The following TRIO variants were observed in gnomAD, a reference collection of about 807,000 sequenced individuals.
The protein encoded by TRIO is triple functional domain protein.
Under a neutral mutation model 351.9 loss-of-function variants are expected in TRIO, and 58 were observed. The observed-to-expected ratio is 0.16, with a 90% CI of 0.13 to 0.21. The LOEUF (loss-of-function observed/expected upper bound fraction) is 0.21. Among genes scored for constraint, TRIO ranks in the 10% least tolerant of loss-of-function variants. The probability of loss-of-function intolerance (pLI) is 1.00; values close to 1 mark genes in which losing one functional copy is unlikely to be tolerated. For missense variants in TRIO, 3,201 were observed against 4,027.8 expected (o/e 0.79, Z 5.56); for synonymous variants, 1,758 against 1,595.7 (o/e 1.10, Z -2.42).
At chr5:14,379,249 G>A (rs1420204490) in intron 20 of TRIO, among the ~76,000 whole-genome samples, 2 of 152,188 alleles carry the variant, frequency 1.3e-5, no homozygotes, top group African/African-American at 4.8e-5. Context: ...CCCATTTTCT[G>A]AATCCAGCTT....
At chr5:14,477,837 A>G (rs1222310096) in intron 41 of TRIO, among the ~76,000 whole-genome samples, 1 of 152,202 alleles carries the variant, frequency 6.6e-6, no homozygotes, top group East Asian at 1.9e-4. Flanking sequence ...CAGTATCCAA[A>G]AATCCAGTTT....
rs888780854 is a variant in TRIO, at chr5:14,377,418, G to A, written c.3332-594G>A. ...CTGCCACCATGCCCTGCTAATTTTT[G>A]TATTTTTAGTAGAGACAGAGTTTCG... On this transcript the variant is annotated intron_variant, in intron 19 of 56. Transcript: ENST00000344204. Among the ~76,000 whole-genome samples the A allele has an allele frequency of 2.0e-5, 3 of 151,918 alleles. No homozygotes were observed. The East Asian group carries it at 5.8e-4, about 29-fold the overall frequency.
At chr5:14,358,730 G>C (rs540112745) in intron 12 of TRIO, among the ~76,000 whole-genome samples, 2 of 152,130 alleles carry the variant, frequency 1.3e-5, no homozygotes, top group African/African-American at 4.8e-5. Context: ...ACCTCCCAAC[G>C]TCCAGATTCA....
chr5:14,288,935 A>T (rs1296654611), intron 4 of TRIO, among the ~76,000 whole-genome samples: 1 of 152,082 alleles, frequency 6.6e-6, no homozygotes, highest in African/African-American at 2.4e-5. Flanking sequence ...CATCATGATA[A>T]GGTGAGGTTA....
At chr5:14,381,803 T>A (rs968730988) in intron 21 of TRIO, among the ~76,000 whole-genome samples, 4 of 152,226 alleles carry the variant, frequency 2.6e-5, no homozygotes, top group Non-Finnish European at 5.9e-5. Context: ...GGCATTTTCA[T>A]TTTTCTCCTG....
chr5:14,388,008 A>G (rs1746697948), intron 23 of TRIO, 161 bp downstream of exon 23: 4 of 641,428 alleles, frequency 6.2e-6, no homozygotes, highest in Non-Finnish European at 1.1e-5. Context: ...CGCTGCGTTC[A>G]CTGTCCTCTT....
At chr5:14,178,309 A>G (rs987984532) in intron 1 of TRIO, among the ~76,000 whole-genome samples, 1 of 152,238 alleles carries the variant, frequency 6.6e-6, no homozygotes, top group African/African-American at 2.4e-5. Context: ...AAAATGAATA[A>G]TATTCAAATT....
chr5:14,182,862 ACC>A (rs33945464), intron 1 of TRIO, among the ~76,000 whole-genome samples: 2 of 61,650 alleles, frequency 3.2e-5, no homozygotes, highest in Non-Finnish European at 8.1e-5. Flanking sequence ...TACAGTGGAG[ACC>A]CCCCCCCCTC....
chr5:14,162,333 G>C (rs1788514229), intron 1 of TRIO, among the ~76,000 whole-genome samples: 2 of 152,178 alleles, frequency 1.3e-5, no homozygotes. Context: ...ATTGTGTAGT[G>C]TTGAAGGAGA....
intron 20 of TRIO, among the ~76,000 whole-genome samples, 154 bp downstream of exon 20, chr5:14,378,281 AC>A (rs2152351338): frequency 6.6e-6 from 1 of 152,256 alleles, no homozygotes; most frequent in South Asian, 2.1e-4. Context: ...TAAAAAGAAA[AC>A]CCCACAGCCT....
chr5:14,460,339 G>C (rs771512172), intron 34 of TRIO, among the ~76,000 whole-genome samples: 1 of 152,156 alleles, frequency 6.6e-6, no homozygotes, highest in Non-Finnish European at 1.5e-5. Context: ...TGGCCTGGCC[G>C]TGAACAGGAA....
intron 34 of TRIO, among the ~76,000 whole-genome samples, chr5:14,451,461 C>T (rs1351544218): frequency 1.3e-5 from 2 of 152,188 alleles, no homozygotes; most frequent in South Asian, 4.1e-4. Flanking sequence ...CAGTCATAAG[C>T]TAAGAATTTG....
Position 14,508,448 on chromosome 5 carries a change from T to C in TRIO, c.*26T>C, listed in dbSNP as rs1757870521. 6.4e-7 allele frequency: 1 copy of C among 1,555,028 alleles called. No homozygotes were observed. Among genetic ancestry groups the C allele is most frequent in the South Asian group, 1.2e-5 (1 of 81,484 alleles). On this transcript the variant is annotated 3_prime_UTR_variant, in exon 57 of 57. Transcript: ENST00000344204. ...CCTATCCAGAAGTTCTTTCTCATTC[T>C]CTTTCACCTGCCAATCAGCTGTTAA...
At chr5:14,162,990 GTTTGTTTT>G (rs1322304263) in intron 1 of TRIO, among the ~76,000 whole-genome samples, 1 of 151,866 alleles carries the variant, frequency 6.6e-6, no homozygotes, top group African/African-American at 2.4e-5. Context: ...TTTTTTGTTT[GTTTGTTTT>G]TTTGTTTTTT....
chr5:14,198,550 A>G (rs1461903303), intron 1 of TRIO, among the ~76,000 whole-genome samples: 4 of 152,214 alleles, frequency 2.6e-5, no homozygotes, highest in Non-Finnish European at 5.9e-5. Flanking sequence ...ATGGAACTGC[A>G]ATGATGGGAA....
chr5:14,271,922 C>G (rs987142929), intron 2 of TRIO, among the ~76,000 whole-genome samples: 6 of 152,150 alleles, frequency 3.9e-5, no homozygotes, highest in Middle Eastern at 3.2e-3. Context: ...AGTAATATTT[C>G]TTGGCCCCTG....
At chr5:14,496,211 C>G (rs1363328096) in intron 49 of TRIO, among the ~76,000 whole-genome samples, 1 of 152,142 alleles carries the variant, frequency 6.6e-6, no homozygotes, top group Non-Finnish European at 1.5e-5. Context: ...TTTATATGCA[C>G]TAAGAAACCA....
intron 5 of TRIO, among the ~76,000 whole-genome samples, chr5:14,292,223 A>C (rs773766): frequency 0.055 from 8,427 of 152,286 alleles, 254 homozygotes; most frequent in African/African-American, 0.075. Context: ...CAGTGTTTTT[A>C]TTACTAAAGC....
chr5:14,413,100 C>G (rs538012805), intron 33 of TRIO, among the ~76,000 whole-genome samples: 1 of 152,322 alleles, frequency 6.6e-6, no homozygotes, highest in African/African-American at 2.4e-5. Context: ...GCTGCTGTTG[C>G]AGGTTACTGT....
Sources: allele counts gnomAD v4.1 joint callset (sites outside exome capture counted in the v4.1 genomes callset), GRCh38; gene constraint gnomAD v4.1.1; transcripts MANE v1.5; gene names NCBI Gene and HGNC (gene_info 2026-07-23, HGNC 2026-07-21).